LRRC8C: variants seen among roughly 807,000 people sequenced by gnomAD.
LRRC8C encodes volume-regulated anion channel subunit LRRC8C.
LRRC8C carries 20 observed loss-of-function variants against 55.3 expected under a neutral mutation model. That is an observed-to-expected ratio of 0.36 (90% confidence interval 0.25 to 0.53). The LOEUF (loss-of-function observed/expected upper bound fraction) is 0.53. Among genes scored for constraint, LRRC8C ranks in the 20% least tolerant of loss-of-function variants. LRRC8C has a pLI of 0.92. For missense variants in LRRC8C, 659 were observed against 951.4 expected (o/e 0.69, Z 4.04); for synonymous variants, 376 against 360.7 (o/e 1.04, Z -0.48).
intron 1 of LRRC8C, among the ~76,000 whole-genome samples, chr1:89,651,543 C>G (rs1656779871): frequency 8.5e-6 from 1 of 117,878 alleles, no homozygotes; most frequent in Non-Finnish European, 1.6e-5. Context: ...ACTCCAGTCT[C>G]GGTGACAGAG....
In LRRC8C at chr1:89,646,925, T is replaced by C. The variant is rs188287729; in HGVS notation, c.-5+13603T>C. ...TAATCGACATGAAGATATGTAAAAT[T>C]TACCAAAAAATCTTACCAGTAAATC... On this transcript the variant is annotated intron_variant, in intron 1 of 2. Transcript: ENST00000370454. Among the ~76,000 whole-genome samples, 158 of 152,202 alleles carry C rather than the reference T, an allele frequency of 1.0e-3. 1 individual carries two copies. The highest frequency in any genetic ancestry group is 3.6e-3 in the African/African-American group (148 of 41,538).
At chr1:89,660,297 A>C (rs1657079669) in intron 1 of LRRC8C, among the ~76,000 whole-genome samples, 1 of 152,172 alleles carries the variant, frequency 6.6e-6, no homozygotes, top group Admixed American at 6.5e-5. Context: ...TGTACTTTTT[A>C]TCACAAACAG....
At chr1:89,664,633 T>G (rs1306714764) in intron 1 of LRRC8C, among the ~76,000 whole-genome samples, 7 of 152,200 alleles carry the variant, frequency 4.6e-5, no homozygotes, top group Admixed American at 3.3e-4. Flanking sequence ...GAGCTCTTTT[T>G]TGGTTCCATA....
rs544024768 is a variant in LRRC8C, at chr1:89,677,151, G to T, written c.-4-9319G>T. On this transcript the variant is annotated intron_variant, in intron 1 of 2. Transcript: ENST00000370454. ...CGAATAATATCGTCATTGTTTGAGA[G>T]AACTAAAATTGCTAGGTAGAAGTAC... is the stretch of plus-strand genomic sequence containing the variant. Among the ~76,000 whole-genome samples, 5 of 152,284 alleles carry T rather than the reference G, an allele frequency of 3.3e-5. No individual in the cohort carries two copies. The South Asian group carries it at 1.0e-3, about 32-fold the overall frequency.
the LRRC8C span, among the ~76,000 whole-genome samples, chr1:89,622,334 A>ATT: frequency 4.7e-5 from 6 of 127,268 alleles, 1 homozygote; most frequent in Non-Finnish European, 6.1e-5. Flanking sequence ...ATACATGTAA[A>ATT]ATTTTTTTTT....
chr1:89,617,675 T>G, the LRRC8C span, among the ~76,000 whole-genome samples: 1 of 152,148 alleles, frequency 6.6e-6, no homozygotes, highest in Non-Finnish European at 1.5e-5. Flanking sequence ...ACAGTGTCCT[T>G]CATGAGACTG....
chr1:89,676,838 G>A (rs1318136581), intron 1 of LRRC8C, among the ~76,000 whole-genome samples: 1 of 152,170 alleles, frequency 6.6e-6, no homozygotes, highest in East Asian at 1.9e-4. Flanking sequence ...TCTCCCGTGA[G>A]TGTATATGTG....
chr1:89,630,316 A>C (rs1035298910), upstream of LRRC8C, among the ~76,000 whole-genome samples: 5 of 152,232 alleles, frequency 3.3e-5, no homozygotes, highest in African/African-American at 1.2e-4. Context: ...GTTATATTCC[A>C]ATAGACTGAT....
chr1:89,679,289 C>T (rs1305910364), intron 1 of LRRC8C, among the ~76,000 whole-genome samples: 1 of 152,200 alleles, frequency 6.6e-6, no homozygotes, highest in Admixed American at 6.5e-5. Context: ...TGCAGTGGCT[C>T]ATGCCTGTAA....
intron 1 of LRRC8C, among the ~76,000 whole-genome samples, chr1:89,641,556 C>CT (rs955553159): frequency 8.7e-5 from 13 of 150,022 alleles, no homozygotes; most frequent in South Asian, 6.4e-4. Context: ...AAGTTAGAAA[C>CT]TTTTTTTTTT....
At chr1:89,639,138 AC>A (rs2101177199) in intron 1 of LRRC8C, among the ~76,000 whole-genome samples, 1 of 152,024 alleles carries the variant, frequency 6.6e-6, no homozygotes, top group African/African-American at 2.4e-5. Flanking sequence ...GGCACAAGCC[AC>A]CACGTCTGGC....
At chr1:89,648,841 G>A (rs1438310756) in intron 1 of LRRC8C, among the ~76,000 whole-genome samples, 1 of 152,116 alleles carries the variant, frequency 6.6e-6, no homozygotes, top group East Asian at 1.9e-4. Flanking sequence ...TCAAAAATAC[G>A]TGTTTTTTGT....
Position 89,713,569 on chromosome 1 carries a change from G to A in LRRC8C, c.999G>A (p.Thr333=), listed in dbSNP as rs143988729. Residue 333 remains threonine, a synonymous_variant, in exon 3 of 3, where the codon ACG becomes ACA. Coordinates refer to ENST00000370454, the MANE Select transcript of LRRC8C (RefSeq NM_032270.5). The surrounding 1 kb of genome is among the most constrained non-coding windows in gnomAD (Gnocchi z 5.2). ...GCTTTGTTAGTATCTATGGATTGAC[G>A]TGCCTTTATACCTTATACTGGCTGT... The part of the protein sequence containing the change: ...YLCFVSIYGL[T]CLYTLYWLFY... The A allele has an allele frequency of 2.8e-5, 46 of 1,614,120 alleles. No homozygotes were observed. The highest frequency in any genetic ancestry group is 2.5e-4 in the African/African-American group (19 of 75,034).
intron 1 of LRRC8C, among the ~76,000 whole-genome samples, chr1:89,633,606 G>C (rs1174086214): frequency 6.6e-6 from 1 of 152,140 alleles, no homozygotes; most frequent in African/African-American, 2.4e-5. Flanking sequence ...GCGCCGCAGC[G>C]GCAGGTCCTG....
intron 1 of LRRC8C, among the ~76,000 whole-genome samples, chr1:89,673,527 G>A (rs1472332878): frequency 6.6e-6 from 1 of 152,128 alleles, no homozygotes; most frequent in Non-Finnish European, 1.5e-5. Flanking sequence ...ACTGTTTTTG[G>A]TCTTGTTCCA....
the LRRC8C span, among the ~76,000 whole-genome samples, chr1:89,625,667 A>G: frequency 6.6e-6 from 1 of 152,222 alleles, no homozygotes; most frequent in African/African-American, 2.4e-5. Flanking sequence ...TTTTCCAAAG[A>G]GAGAATCATG....
At chr1:89,696,462 CAGAGGGG>C (rs1181392838) in intron 2 of LRRC8C, among the ~76,000 whole-genome samples, 1 of 151,582 alleles carries the variant, frequency 6.6e-6, no homozygotes, top group East Asian at 1.9e-4. Flanking sequence ...AAAGAACAGA[CAGAGGGG>C]AGAGGGGAAG....
chr1:89,708,060 C>T (rs917651341), intron 2 of LRRC8C, among the ~76,000 whole-genome samples: 1 of 151,966 alleles, frequency 6.6e-6, no homozygotes, highest in Non-Finnish European at 1.5e-5. Flanking sequence ...GGATGAGGTT[C>T]TCTTGTTCAT....
chr1:89,639,069 T>C (rs1656382917), intron 1 of LRRC8C, among the ~76,000 whole-genome samples: 1 of 151,772 alleles, frequency 6.6e-6, no homozygotes, highest in Non-Finnish European at 1.5e-5. Context: ...CACTGCAACC[T>C]CTGCCTCCTG....
Sources: gnomAD v4.1 joint callset for allele counts (sites outside exome capture counted in the v4.1 genomes callset) on GRCh38, gnomAD v4.1.1 for gene constraint, Gnocchi (gnomAD v3.1) non-coding constraint, MANE v1.5 for transcripts, NCBI Gene and HGNC (gene_info 2026-07-23, HGNC 2026-07-21) for gene names.